Variants in FAT3 observed in about 807,000 individuals in gnomAD.
The protein encoded by FAT3 is protocadherin Fat 3.
FAT3 carries 95 observed loss-of-function variants against 310.2 expected under a neutral mutation model. The ratio of observed to expected loss-of-function variants is 0.31; its 90% confidence interval spans 0.26 to 0.36. FAT3 has a LOEUF of 0.36. FAT3 is among the 10% of genes least tolerant of loss of function. The probability of loss-of-function intolerance (pLI) is 1.00; values close to 1 mark genes in which losing one functional copy is unlikely to be tolerated. For synonymous variants in FAT3, 2,314 were observed against 2,192.9 expected (o/e 1.06, Z -1.54); for missense variants, 5,408 against 5,715.6 (o/e 0.95, Z 1.74).
At chr11:92,254,238 C>G (rs560353801) in intron 1 of FAT3, among the ~76,000 whole-genome samples, 3 of 152,246 alleles carry the variant, frequency 2.0e-5, no homozygotes, top group Admixed American at 6.5e-5. Flanking sequence ...TCTTTCACAC[C>G]AGGGGCTGTG....
rs555479541 is a variant in FAT3 at position 92,832,059 on chromosome 11, G to A, written c.9871+48G>A. 9.4e-6 allele frequency: 14 copies of A among 1,486,796 alleles called. No individual in the cohort carries two copies. The East Asian group carries it at 2.0e-4, about 21-fold the overall frequency. 92.1% of individuals were successfully genotyped at this position (1,486,796 alleles called of 1,614,324 possible). A position where few individuals can be genotyped will look rare whatever the true frequency, so the allele number is the denominator to read the frequency against. ...AGAATACAGAGCTTCAGCTTGGCAC[G>A]GTGGCTCACACCTGTAAACCTAGCA... On this transcript the variant is annotated intron_variant, in intron 14 of 27. Transcript: ENST00000525166.
intron 2 of FAT3, among the ~76,000 whole-genome samples, chr11:92,491,120 G>A (rs1952586380): frequency 6.6e-6 from 1 of 151,972 alleles, no homozygotes; most frequent in Admixed American, 6.6e-5. Context: ...ATGGGATTAG[G>A]AAGGACCTTT....
Position 92,805,216 on chromosome 11 carries a change from A to C in FAT3, c.8960A>C (p.Lys2987Thr). Residue 2987 changes from lysine to threonine, a missense_variant, in exon 11 of 28, where the codon AAG (lysine) becomes ACG (threonine). By Grantham distance (78) the Lys-to-Thr change is moderately conservative. Around this residue, in one of 5 missense-constraint regions of FAT3, gnomAD observed 4,588 missense variants for 4,809.8 expected, o/e 0.95. Transcript: ENST00000525166. ...CAAAGTGAGTGGAAGGTCTATGTGA[A>C]GAGGCCTCTAGACAGAGAAGAACAG... ...LVQSEWKVYV[K>T]RPLDREEQDI... The C allele has an allele frequency of 2.5e-6, 4 of 1,613,864 alleles. No homozygotes were observed. The highest frequency in any genetic ancestry group is 3.4e-6 in the Non-Finnish European group (4 of 1,179,816).
chr11:92,464,684 A>G (rs1421345757), intron 2 of FAT3, among the ~76,000 whole-genome samples: 1 of 152,220 alleles, frequency 6.6e-6, no homozygotes, highest in Non-Finnish European at 1.5e-5. Flanking sequence ...GTGGAAGAAC[A>G]TTGGAAGGAT....
intron 3 of FAT3, among the ~76,000 whole-genome samples, chr11:92,683,758 T>C (rs531098228): frequency 3.9e-5 from 6 of 152,294 alleles, no homozygotes; most frequent in Non-Finnish European, 7.3e-5. Context: ...GAATGCAGCT[T>C]CAGTTCGTTA....
At chr11:92,299,401 T>G (rs1946932757) in intron 1 of FAT3, among the ~76,000 whole-genome samples, 1 of 152,104 alleles carries the variant, frequency 6.6e-6, no homozygotes, top group Admixed American at 6.6e-5. Flanking sequence ...AGAGTTAGTC[T>G]AGATAATAGG....
chr11:92,699,914 A>T (rs1346041645), intron 4 of FAT3, among the ~76,000 whole-genome samples: 1 of 152,198 alleles, frequency 6.6e-6, no homozygotes, highest in Non-Finnish European at 1.5e-5. Flanking sequence ...TAAAGATTTA[A>T]CAGCACCTCC....
rs766542312 is a variant in FAT3, at chr11:92,844,053, G to A, written c.10686G>A (p.Glu3562=). The change falls in exon 19 of 28, where the codon GAG becomes GAA. Residue 3562 remains glutamate, a synonymous_variant. Transcript: ENST00000525166. Reference sequence around the variant, plus strand: ...TGGAAATTTTCATTGTCACCATGGAGGATGACTTTCCTGGTGGGGTCATTG... The same window carrying A: ...TGGAAATTTTCATTGTCACCATGGAAGATGACTTTCCTGGTGGGGTCATTG... The part of the protein sequence containing the change: ...IPLEIFIVTM[E]DDFPGGVIGK... 3 of 1,613,994 alleles carry A rather than the reference G, an allele frequency of 1.9e-6. No individual in the cohort carries two copies. Among genetic ancestry groups the A allele is most frequent in the Non-Finnish European group, 2.5e-6 (3 of 1,179,890 alleles).
intron 2 of FAT3, among the ~76,000 whole-genome samples, chr11:92,386,640 G>A (rs540690774): frequency 6.6e-6 from 1 of 152,278 alleles, no homozygotes; most frequent in South Asian, 2.1e-4. Context: ...CACTGCCCTT[G>A]GGTAGTTTAA....
At chr11:92,411,180 G>A (rs1454790482) in intron 2 of FAT3, among the ~76,000 whole-genome samples, 2 of 143,764 alleles carry the variant, frequency 1.4e-5, no homozygotes, top group Admixed American at 7.1e-5. Context: ...ATAAATATAT[G>A]AGAGATGATA....
chr11:92,824,523 T>A (rs559539545), intron 13 of FAT3, among the ~76,000 whole-genome samples: 37 of 152,342 alleles, frequency 2.4e-4, no homozygotes, highest in African/African-American at 8.2e-4. Context: ...ATACAATATG[T>A]ATCTTTTCTG....
At chr11:92,559,204 A>G (rs1044295896) in intron 3 of FAT3, among the ~76,000 whole-genome samples, 10 of 151,966 alleles carry the variant, frequency 6.6e-5, no homozygotes, top group African/African-American at 2.4e-4. Flanking sequence ...GTTCAGTTCA[A>G]TGGTTTTTAG....
At chr11:92,747,597 T>G (rs1945710412) in intron 4 of FAT3, among the ~76,000 whole-genome samples, 1 of 152,264 alleles carries the variant, frequency 6.6e-6, no homozygotes, top group Non-Finnish European at 1.5e-5. Context: ...CTTGAATTTC[T>G]TCCCAAAAAC....
At chr11:92,260,459 T>C (rs1865502107) in intron 1 of FAT3, among the ~76,000 whole-genome samples, 1 of 152,144 alleles carries the variant, frequency 6.6e-6, no homozygotes, top group South Asian at 2.1e-4. Context: ...GGCTTAATAA[T>C]AGCTGGACTT....
chr11:92,838,220 A>G (rs1490598737), intron 17 of FAT3, among the ~76,000 whole-genome samples: 1 of 152,190 alleles, frequency 6.6e-6, no homozygotes, highest in Non-Finnish European at 1.5e-5. Context: ...GTGGCAGGCT[A>G]CCTTTAAGCA....
intron 3 of FAT3, among the ~76,000 whole-genome samples, chr11:92,574,974 C>T (rs1200931427): frequency 6.6e-6 from 1 of 152,104 alleles, no homozygotes; most frequent in Non-Finnish European, 1.5e-5. Context: ...AAGCTGCTAG[C>T]CTGCACTTAG....
chr11:92,227,859 T>G lies in FAT3; in HGVS notation c.-18+2685T>G, dbSNP rs776688886. On this transcript the variant is annotated intron_variant, in intron 1 of 27. Coordinates refer to ENST00000525166, the MANE Select transcript of FAT3 (RefSeq NM_001367949.2). Reference sequence around the variant, plus strand: ...AAGAGACAAAGACAAAAAAAAAGCATAATAACTTTAGCACTTTGATGTGCT... The same window carrying G: ...AAGAGACAAAGACAAAAAAAAAGCAGAATAACTTTAGCACTTTGATGTGCT... 2.6e-5 allele frequency among the ~76,000 whole-genome samples: 4 copies of G among 151,002 alleles called. No homozygotes were observed. In the South Asian group the frequency reaches 8.4e-4, roughly 32 times the overall value.
intron 3 of FAT3, among the ~76,000 whole-genome samples, chr11:92,692,394 C>A (rs1317980383): frequency 1.3e-5 from 2 of 152,174 alleles, no homozygotes; most frequent in Non-Finnish European, 2.9e-5. Flanking sequence ...TTATTCACCA[C>A]CCTTTTGCTT....
At chr11:92,316,597 A>G (rs1040356709) in intron 1 of FAT3, among the ~76,000 whole-genome samples, 1 of 152,128 alleles carries the variant, frequency 6.6e-6, no homozygotes, top group East Asian at 1.9e-4. Flanking sequence ...TTGTCTATCT[A>G]TTTTCTAATA....
Sources: allele counts gnomAD v4.1 joint callset (sites outside exome capture counted in the v4.1 genomes callset), GRCh38; gene constraint gnomAD v4.1.1; regional missense constraint gnomAD v4.1.1; transcripts MANE v1.5; gene names NCBI Gene and HGNC (gene_info 2026-07-23, HGNC 2026-07-21).